Variants in STARD13 observed in about 807,000 individuals in gnomAD.
STARD13 encodes stAR-related lipid transfer protein 13.
STARD13 carries 62 observed loss-of-function variants against 106.4 expected under a neutral mutation model. The ratio of observed to expected loss-of-function variants is 0.58; its 90% confidence interval spans 0.48 to 0.72. The LOEUF (loss-of-function observed/expected upper bound fraction) is 0.72. STARD13 is among the 30% of genes least tolerant of loss of function. The pLI is 0.00. For synonymous variants in STARD13, 565 were observed against 553.0 expected, an observed-to-expected ratio of 1.02 and a Z score of -0.31; for missense variants, 1,387 against 1,424.0, an observed-to-expected ratio of 0.97 and a Z score of 0.42.
the STARD13 span, among the ~76,000 whole-genome samples, chr13:33,587,263 G>A: frequency 6.6e-6 from 1 of 151,558 alleles, no homozygotes; most frequent in African/African-American, 2.4e-5. Context: ...TTCCCTTGTA[G>A]CTAAAATCTT....
intron 1 of STARD13, among the ~76,000 whole-genome samples, chr13:33,254,282 G>A (rs892750172): frequency 3.3e-5 from 5 of 152,188 alleles, no homozygotes; most frequent in Admixed American, 2.6e-4. Flanking sequence ...GGGTAGTCAG[G>A]ACAATAGGCT....
the STARD13 span, among the ~76,000 whole-genome samples, chr13:33,660,229 G>A: frequency 2.6e-5 from 4 of 152,068 alleles, no homozygotes; most frequent in Non-Finnish European, 5.9e-5. Flanking sequence ...GTTTTTTTAT[G>A]TCAATGACAG....
the STARD13 span, among the ~76,000 whole-genome samples, chr13:33,657,629 A>T: frequency 6.6e-6 from 1 of 152,250 alleles, no homozygotes; most frequent in African/African-American, 2.4e-5. Flanking sequence ...ACTTATTCTT[A>T]TAACATAGGT....
At chr13:33,439,172 G>A in the STARD13 span, among the ~76,000 whole-genome samples, 1 of 152,178 alleles carries the variant, frequency 6.6e-6, no homozygotes, top group Admixed American at 6.5e-5. Flanking sequence ...GTAAGAAGTG[G>A]TGATTCAAGA....
intron 1 of STARD13, among the ~76,000 whole-genome samples, chr13:33,270,122 G>C (rs1406472818): frequency 6.6e-6 from 1 of 152,168 alleles, no homozygotes; most frequent in Non-Finnish European, 1.5e-5. Context: ...TGTAATCCCA[G>C]CTACTTGGGA....
At chr13:33,665,840 G>A in the STARD13 span, among the ~76,000 whole-genome samples, 1 of 152,136 alleles carries the variant, frequency 6.6e-6, no homozygotes, top group Non-Finnish European at 1.5e-5. Context: ...ACTCTCTCCT[G>A]GGGTCTCCTC....
the STARD13 span, among the ~76,000 whole-genome samples, chr13:33,425,990 A>T: frequency 6.6e-6 from 1 of 152,160 alleles, no homozygotes; most frequent in Non-Finnish European, 1.5e-5. Context: ...GTTGACTCTG[A>T]TAGTCTGTGT....
At chr13:33,488,097 T>G in the STARD13 span, among the ~76,000 whole-genome samples, 1 of 152,208 alleles carries the variant, frequency 6.6e-6, no homozygotes, top group African/African-American at 2.4e-5. Context: ...TCCCCTCTAG[T>G]TCCTCTTCCT....
intron 1 of STARD13, among the ~76,000 whole-genome samples, chr13:33,201,869 T>C (rs1887061794): frequency 6.6e-6 from 1 of 152,198 alleles, no homozygotes; most frequent in Admixed American, 6.5e-5. Context: ...ATGGTCAACA[T>C]AATTAGTACA....
chr13:33,324,555 C>T (rs1893671786), intron 1 of STARD13, among the ~76,000 whole-genome samples: 2 of 152,118 alleles, frequency 1.3e-5, no homozygotes, highest in South Asian at 4.1e-4. Flanking sequence ...GCTATCACTG[C>T]TTTTCTATTT....
At chr13:33,565,000 A>AG in the STARD13 span, among the ~76,000 whole-genome samples, 2 of 146,236 alleles carry the variant, frequency 1.4e-5, no homozygotes, top group Admixed American at 7.1e-5. Context: ...AAAAAAAAAA[A>AG]AAAAGAAAAA....
At chr13:33,483,262 T>G in the STARD13 span, among the ~76,000 whole-genome samples, 1 of 152,152 alleles carries the variant, frequency 6.6e-6, no homozygotes, top group Admixed American at 6.5e-5. Context: ...AAACTTACAG[T>G]GGTAAGTAGC....
intron 1 of STARD13, chr13:33,186,078 C>A (rs189773632): frequency 6.3e-7 from 1 of 1,598,616 alleles, no homozygotes; most frequent in Non-Finnish European, 8.5e-7. Context: ...CTCATGTTTC[C>A]GGTTGCTAAC....
At chr13:33,252,725 A>G (rs1566099747) in intron 1 of STARD13, among the ~76,000 whole-genome samples, 1 of 152,228 alleles carries the variant, frequency 6.6e-6, no homozygotes, top group Non-Finnish European at 1.5e-5. Flanking sequence ...ATATTTTTCT[A>G]ACTTTTCCCA....
chr13:33,214,737 C>T (rs1887931816), intron 1 of STARD13, among the ~76,000 whole-genome samples: 1 of 141,556 alleles, frequency 7.1e-6, no homozygotes, highest in Non-Finnish European at 1.6e-5. Context: ...CACACACACA[C>T]ATCCCCTGCA....
intron 8 of STARD13, among the ~76,000 whole-genome samples, chr13:33,115,235 CAG>C (rs1161058576): frequency 6.6e-6 from 1 of 152,162 alleles, no homozygotes; most frequent in Non-Finnish European, 1.5e-5. Flanking sequence ...TAGCTGAAAA[CAG>C]AACTTCTCTG....
At chr13:33,145,050 T>C (rs1388870791) in intron 3 of STARD13, among the ~76,000 whole-genome samples, 2 of 152,232 alleles carry the variant, frequency 1.3e-5, no homozygotes, top group Non-Finnish European at 2.9e-5. Flanking sequence ...CTGGGTCCTT[T>C]TATTGCCCCT....
Position 33,261,797 on chromosome 13 carries a change from G to A in STARD13, c.169+23673C>T, listed in dbSNP as rs150716753. 6.9e-4 allele frequency among the ~76,000 whole-genome samples: 105 copies of A among 152,292 alleles called. 1 individual carries two copies. The highest frequency in any genetic ancestry group is 1.2e-3 in the Admixed American group (18 of 15,306). ...CTCCAGCACAAAAGGGGATTAAAAT[G>A]TCACAGGAAATTTTTTTCTTGAAAA... On this transcript the variant is annotated intron_variant, in intron 1 of 13. Coordinates refer to ENST00000336934, the MANE Select transcript of STARD13 (RefSeq NM_178006.4).
At chr13:33,358,368 G>A in the STARD13 span, among the ~76,000 whole-genome samples, 14 of 152,316 alleles carry the variant, frequency 9.2e-5, no homozygotes, top group East Asian at 5.8e-4. Context: ...GAATGTAAGC[G>A]CACGGCACAG....
Sources: allele counts gnomAD v4.1 joint callset (sites outside exome capture counted in the v4.1 genomes callset), GRCh38; gene constraint gnomAD v4.1.1; transcripts MANE v1.5; gene names NCBI Gene and HGNC (gene_info 2026-07-23, HGNC 2026-07-21).